Variants in SPOCK3 observed in about 807,000 individuals in gnomAD.
SPOCK3 encodes the protein testican-3.
SPOCK3 carries 30 observed loss-of-function variants against 56.6 expected under a neutral mutation model. The ratio of observed to expected loss-of-function variants is 0.53; its 90% CI spans 0.40 to 0.72. SPOCK3 has a LOEUF of 0.72. Among genes scored for constraint, SPOCK3 ranks in the 30% least tolerant of loss-of-function variants. SPOCK3 has a pLI of 0.00. For missense variants in SPOCK3, 527 were observed against 530.0 expected (o/e 0.99, Z 0.06); for synonymous variants, 196 against 183.3 (o/e 1.07, Z -0.56).
chr4:167,159,503 C>T (rs903858346), intron 2 of SPOCK3, among the ~76,000 whole-genome samples: 3 of 151,974 alleles, frequency 2.0e-5, no homozygotes, highest in African/African-American at 4.8e-5. Context: ...CTATTCCAAT[C>T]AATAGAAAAA....
At chr4:167,218,187 T>C (rs1038948761) in intron 2 of SPOCK3, among the ~76,000 whole-genome samples, 14 of 152,264 alleles carry the variant, frequency 9.2e-5, no homozygotes, top group African/African-American at 3.1e-4. Context: ...GCACACAGGC[T>C]GAACAATTAG....
chr4:166,889,642 A>G (rs1734559752), intron 5 of SPOCK3, among the ~76,000 whole-genome samples: 1 of 152,010 alleles, frequency 6.6e-6, no homozygotes, highest in South Asian at 2.1e-4. Context: ...TTAAGTAAGC[A>G]TGTCTTCTCT....
chr4:167,161,720 A>G (rs569551828), intron 2 of SPOCK3, among the ~76,000 whole-genome samples: 1 of 152,230 alleles, frequency 6.6e-6, no homozygotes, highest in South Asian at 2.1e-4. Flanking sequence ...ACAAAAAATG[A>G]TGAGTTCATG....
chr4:166,839,120 C>T (rs960635653), intron 6 of SPOCK3, among the ~76,000 whole-genome samples: 2 of 152,068 alleles, frequency 1.3e-5, no homozygotes, highest in East Asian at 3.9e-4. Flanking sequence ...ATTTGTAAGA[C>T]TCTGGATCTG....
At chr4:167,115,074 A>G (rs1052546569) in intron 2 of SPOCK3, among the ~76,000 whole-genome samples, 1 of 152,188 alleles carries the variant, frequency 6.6e-6, no homozygotes, top group African/African-American at 2.4e-5. Context: ...TACGGGAAAC[A>G]TAATATTTGA....
At chr4:166,838,837 C>G (rs1746915344) in intron 6 of SPOCK3, among the ~76,000 whole-genome samples, 1 of 149,724 alleles carries the variant, frequency 6.7e-6, no homozygotes, top group Admixed American at 6.8e-5. Flanking sequence ...GTGGCAGACA[C>G]CTGTAATCCA....
intron 2 of SPOCK3, among the ~76,000 whole-genome samples, chr4:167,129,648 A>G (rs937442255): frequency 6.6e-6 from 1 of 152,180 alleles, no homozygotes; most frequent in African/African-American, 2.4e-5. Context: ...TTATAGTTAA[A>G]GCACAAACTG....
rs539452890 is a variant in SPOCK3, at chr4:166,911,155, C to T, written c.474+1465G>A. Among the ~76,000 whole-genome samples the T allele has an allele frequency of 3.2e-4, 48 of 152,278 alleles. 1 individual carries two copies. Among genetic ancestry groups the T allele is most frequent in the African/African-American group, 9.1e-4 (38 of 41,570 alleles). On this transcript the variant is annotated intron_variant, in intron 5 of 10. Transcript: ENST00000357545. Reference sequence around the variant, plus strand: ...GACCCCTGACACACTCCTCTCCTAGCGATAACTCCGCTTCTATATACATCT... The same window carrying T: ...GACCCCTGACACACTCCTCTCCTAGTGATAACTCCGCTTCTATATACATCT...
intron 7 of SPOCK3, among the ~76,000 whole-genome samples, chr4:166,773,536 T>C (rs1188740292): frequency 6.6e-6 from 1 of 152,188 alleles, no homozygotes; most frequent in Non-Finnish European, 1.5e-5. Context: ...AAGAAGATAA[T>C]ACTTAACTCT....
chr4:166,818,394 C>T (rs1374297473), intron 6 of SPOCK3, among the ~76,000 whole-genome samples: 10 of 151,846 alleles, frequency 6.6e-5, no homozygotes, highest in Non-Finnish European at 1.5e-5. Context: ...GTATAATACA[C>T]CAATACCTTA....
intron 2 of SPOCK3, among the ~76,000 whole-genome samples, chr4:167,158,169 G>A (rs1334592371): frequency 2.6e-5 from 4 of 151,782 alleles, no homozygotes; most frequent in Admixed American, 2.0e-4. Context: ...AGCCTACTCA[G>A]TTGTAGTTTA....
chr4:166,737,207 T>C (rs75989674), intron 10 of SPOCK3, among the ~76,000 whole-genome samples: 3,496 of 152,226 alleles, frequency 0.023, 61 homozygotes, highest in Middle Eastern at 0.048. Flanking sequence ...CCTCAACAAC[T>C]TTCTGAATTT....
intron 2 of SPOCK3, among the ~76,000 whole-genome samples, chr4:167,072,356 G>A (rs1756765329): frequency 6.6e-6 from 1 of 151,910 alleles, no homozygotes; most frequent in South Asian, 2.1e-4. Context: ...TGTTATAACT[G>A]CTTTAGTGCT....
intron 6 of SPOCK3, 147 bp downstream of exon 6, chr4:166,888,983 A>G: frequency 1.6e-6 from 1 of 625,680 alleles, no homozygotes; most frequent in South Asian, 1.9e-5. Context: ...TGAGGCTAAC[A>G]GGAAAATATC....
intron 7 of SPOCK3, among the ~76,000 whole-genome samples, chr4:166,773,975 C>T (rs1209938234): frequency 6.6e-6 from 1 of 152,044 alleles, no homozygotes; most frequent in Admixed American, 6.6e-5. Flanking sequence ...GAAGAAAACT[C>T]AGGAGGTCCC....
At chr4:166,906,604 C>T (rs185456092) in intron 5 of SPOCK3, among the ~76,000 whole-genome samples, 84 of 151,392 alleles carry the variant, frequency 5.5e-4, no homozygotes, top group African/African-American at 1.8e-3. Context: ...TTTTCTGCAA[C>T]GAGTAATAAT....
At chr4:167,158,130 A>G (rs1764970311) in intron 2 of SPOCK3, among the ~76,000 whole-genome samples, 1 of 152,004 alleles carries the variant, frequency 6.6e-6, no homozygotes, top group African/African-American at 2.4e-5. Flanking sequence ...TAGAGAAAAT[A>G]AATATACATG....
chr4:166,820,450 A>G (rs1744808243), intron 6 of SPOCK3, among the ~76,000 whole-genome samples: 1 of 152,032 alleles, frequency 6.6e-6, no homozygotes, highest in Non-Finnish European at 1.5e-5. Context: ...ATAAATCCTT[A>G]CATTTAGGGT....
intron 6 of SPOCK3, among the ~76,000 whole-genome samples, chr4:166,881,279 G>A (rs1419548687): frequency 1.3e-5 from 2 of 150,854 alleles, no homozygotes; most frequent in Non-Finnish European, 3.0e-5. Flanking sequence ...TTTGTTATTT[G>A]CAAATAACAG....
Sources: allele counts gnomAD v4.1 joint callset (sites outside exome capture counted in the v4.1 genomes callset), GRCh38; gene constraint gnomAD v4.1.1; transcripts MANE v1.5; gene names NCBI Gene and HGNC (gene_info 2026-07-23, HGNC 2026-07-21).